Variants in RBBP4 observed in about 807,000 individuals in gnomAD.
RBBP4 encodes histone-binding protein RBBP4.
In RBBP4, 3 loss-of-function variants were observed where a neutral mutation model predicts 57.2. The ratio of observed to expected loss-of-function variants is 0.05; its 90% CI spans 0.02 to 0.14. RBBP4 has a LOEUF of 0.14. Among genes scored for constraint, RBBP4 ranks in the 10% least tolerant of loss-of-function variants. The pLI is 1.00. For missense variants in RBBP4, 107 were observed against 520.6 expected, an observed-to-expected ratio of 0.21 and a Z score of 7.73; for synonymous variants, 151 against 171.5, an observed-to-expected ratio of 0.88 and a Z score of 0.93.
intron 11 of RBBP4, among the ~76,000 whole-genome samples, 174 bp downstream of exon 11, chr1:32,673,075 G>T (rs1648942195): frequency 6.6e-6 from 1 of 152,172 alleles, no homozygotes; most frequent in East Asian, 1.9e-4. Context: ...ACTGTATTTG[G>T]TCATACCACT....
At chr1:32,662,510 G>T (rs1332792119) in intron 3 of RBBP4, among the ~76,000 whole-genome samples, 4 of 151,774 alleles carry the variant, frequency 2.6e-5, no homozygotes, top group African/African-American at 9.7e-5. Context: ...CCGAGTAGCT[G>T]GGATTACAGG....
chr1:32,659,195 CAT>C (rs1054488556), intron 3 of RBBP4, among the ~76,000 whole-genome samples: 19 of 149,920 alleles, frequency 1.3e-4, no homozygotes, highest in South Asian at 4.2e-4. Context: ...TATACACACA[CAT>C]ATATGTGGTT....
At chr1:32,672,763 C>T in intron 10 of RBBP4, 28 bp from the exon 11 acceptor site, 1 of 1,475,194 alleles carries the variant, frequency 6.8e-7, no homozygotes, top group Non-Finnish European at 9.1e-7. Context: ...ATCTGCATTT[C>T]ACCTCTTTGT....
In RBBP4 at chr1:32,661,301, C is replaced by CTTTTTTTTTTT. The variant is rs370489912; in HGVS notation, c.310+3729_310+3730insTTTTTTTTTTT. 1.5e-5 allele frequency among the ~76,000 whole-genome samples: 2 copies of CTTTTTTTTTTT among 132,106 alleles called. 1 individual carries two copies. Among genetic ancestry groups the CTTTTTTTTTTT allele is most frequent in the Non-Finnish European group, 3.1e-5 (2 of 64,962 alleles). 86.7% of individuals were successfully genotyped at this position (132,106 alleles called of 152,430 possible). On this transcript the variant is annotated intron_variant, in intron 3 of 11. Coordinates refer to ENST00000373493, the MANE Select transcript of RBBP4 (RefSeq NM_005610.3). Reference sequence around the variant, plus strand: ...TTGAATGGTAGTTCTATTTTTAGTTCCTTTTTTTTTTTTTTTGAGATGGAG... The same window carrying CTTTTTTTTTTT: ...TTGAATGGTAGTTCTATTTTTAGTTCTTTTTTTTTTTCTTTTTTTTTTTTTTTGAGATGGAG...
intron 2 of RBBP4, among the ~76,000 whole-genome samples, chr1:32,653,863 T>C (rs979156801): frequency 2.6e-5 from 4 of 151,846 alleles, no homozygotes; most frequent in Admixed American, 6.6e-5. Flanking sequence ...TTTCACCGTG[T>C]TAGCCAGGAT....
At position 32,683,756 on chromosome 1, in the gene RBBP4, C is replaced by T. The variant is rs1482456538; in HGVS notation, c.*4051C>T. On this transcript the variant is annotated 3_prime_UTR_variant, in exon 12 of 12. Transcript: ENST00000373493. The stretch of plus-strand genomic sequence containing the variant: ...CAAGCGATTCTCCTGCCTTGGCCTC[C>T]TGAGTAGCTGGGATTATAAGTGCCT... 2.5e-6 allele frequency: 1 copy of T among 392,584 alleles called. No individual in the cohort carries two copies. Among genetic ancestry groups the T allele is most frequent in the African/African-American group, 2.1e-5 (1 of 48,224 alleles). 24.3% of individuals were successfully genotyped at this position (392,584 alleles called of 1,614,324 possible). A position where few individuals can be genotyped will look rare whatever the true frequency, so the allele number is the denominator to read the frequency against.
At chr1:32,668,586 G>C in intron 4 of RBBP4, 153 bp from the exon 5 acceptor site, 1 of 836,012 alleles carries the variant, frequency 1.2e-6, no homozygotes, top group South Asian at 1.8e-5. Context: ...CAAAATACTG[G>C]TGCTGTTTAA....
intron 2 of RBBP4, among the ~76,000 whole-genome samples, chr1:32,657,200 C>T (rs955760126): frequency 3.9e-5 from 6 of 152,106 alleles, no homozygotes; most frequent in African/African-American, 1.2e-4. Flanking sequence ...CGCTTGAATC[C>T]GAGAGCCAGA....
At chr1:32,661,120 A>T (rs58218169) in intron 3 of RBBP4, among the ~76,000 whole-genome samples, 10,971 of 152,078 alleles carry the variant, frequency 0.072, 1,317 homozygotes, top group African/African-American at 0.25. Flanking sequence ...AGCCAAAAAA[A>T]TTTTTTTATT....
intron 11 of RBBP4, among the ~76,000 whole-genome samples, chr1:32,678,508 T>C (rs1278567964): frequency 6.7e-6 from 1 of 149,022 alleles, no homozygotes; most frequent in Non-Finnish European, 1.5e-5. Flanking sequence ...ATTACAGGCG[T>C]GTGCCACCAC....
intron 11 of RBBP4, among the ~76,000 whole-genome samples, chr1:32,676,453 T>C (rs1227127520): frequency 6.7e-6 from 1 of 149,776 alleles, no homozygotes; most frequent in Non-Finnish European, 1.5e-5. Flanking sequence ...AAAAAATAAA[T>C]ACAAAAATTA....
chr1:32,684,267 G>T lies in RBBP4; in HGVS notation c.*4562G>T. 1.2e-6 allele frequency: 2 copies of T among 1,614,186 alleles called. No homozygotes were observed. Among genetic ancestry groups the T allele is most frequent in the Non-Finnish European group, 1.7e-6 (2 of 1,180,048 alleles). ...AGCAGCAGAAACTGACTTATAAGTA[G>T]AGAGCTCTTCAGCAAGACTGAGCCT... On this transcript the variant is annotated 3_prime_UTR_variant, in exon 12 of 12. Coordinates refer to ENST00000373493, the MANE Select transcript of RBBP4 (RefSeq NM_005610.3).
At position 32,653,846 on chromosome 1, in the gene RBBP4, G is replaced by A. The variant is rs1023553794; in HGVS notation, c.164+1785G>A. On this transcript the variant is annotated intron_variant, in intron 2 of 11. Transcript: ENST00000373493. ...GCTAATTTTTTGTATTTTTAGTAGA[G>A]CCGGGGTTTCACCGTGTTAGCCAGG... is the stretch of plus-strand genomic sequence containing the variant. 4.6e-5 allele frequency among the ~76,000 whole-genome samples: 7 copies of A among 151,640 alleles called. No homozygotes were observed. The South Asian group carries it at 1.0e-3, about 23-fold the overall frequency.
chr1:32,651,517 C>T (rs1266987654), intron 1 of RBBP4, 195 bp downstream of exon 1: 6 of 1,335,056 alleles, frequency 4.5e-6, no homozygotes, highest in East Asian at 2.9e-5. Flanking sequence ...TCGCAGCTGG[C>T]GAAGCCAGCG....
chr1:32,651,324 T>C lies in RBBP4; in HGVS notation c.16+2T>C. 6.8e-7 allele frequency: 1 copy of C among 1,463,058 alleles called. No individual in the cohort carries two copies. The highest frequency in any genetic ancestry group is 1.5e-5 in the African/African-American group (1 of 67,322). 90.6% of individuals were successfully genotyped at this position (1,463,058 alleles called of 1,614,324 possible). A position where few individuals can be genotyped will look rare whatever the true frequency, so the allele number is the denominator to read the frequency against. The stretch of plus-strand genomic sequence containing the variant: ...TGCCCGCCATGGCCGACAAGGAAGG[T>C]GAGGGTGCCGGGGCCGACCCAGGAG... On this transcript the variant is annotated splice_donor_variant, in intron 1 of 11. Coordinates refer to ENST00000373493, the MANE Select transcript of RBBP4 (RefSeq NM_005610.3). LOFTEE classifies it high-confidence loss of function.
At chr1:32,668,445 A>G in intron 4 of RBBP4, 47 bp downstream of exon 4, 1 of 1,493,146 alleles carries the variant, frequency 6.7e-7, no homozygotes, top group Non-Finnish European at 9.2e-7. Flanking sequence ...CTATAGAAAT[A>G]CATGGTTCCA....
rs4336811 is a variant in RBBP4, at chr1:32,679,847, C to T, written c.*142C>T. On this transcript the variant is annotated 3_prime_UTR_variant, in exon 12 of 12. Coordinates refer to ENST00000373493, the MANE Select transcript of RBBP4 (RefSeq NM_005610.3). ...CACCGATAATGCTATTAGCCCAAAC[C>T]GTGGGTGTTTTCTAAATATTAATAG... is the stretch of plus-strand genomic sequence containing the variant. 0.038 allele frequency: 50,708 copies of T among 1,348,284 alleles called. 1,352 individuals are homozygous for T. The highest frequency in any genetic ancestry group is 0.12 in the Admixed American group (3,281 of 27,114). The allele number at this position is 1,348,284 out of a possible 1,614,324, so 83.5% of individuals were successfully genotyped here.
chr1:32,667,768 T>C (rs1192569405), intron 3 of RBBP4, among the ~76,000 whole-genome samples: 3 of 152,208 alleles, frequency 2.0e-5, no homozygotes, highest in Non-Finnish European at 4.4e-5. Flanking sequence ...TCACAGATGC[T>C]GAAGTCTCTG....
In RBBP4 at chr1:32,674,730, A is replaced by T. The variant is rs568595532; in HGVS notation, c.1212+1829A>T. ...CTTTTTATTTCTTTATTTTTTTTTT[A>T]ATTTTTTTTTTTTCTGAGACAGAGT... is the stretch of plus-strand genomic sequence containing the variant. On this transcript the variant is annotated intron_variant, in intron 11 of 11. Coordinates refer to ENST00000373493, the MANE Select transcript of RBBP4 (RefSeq NM_005610.3). Among the ~76,000 whole-genome samples, 43 of 148,850 alleles carry T rather than the reference A, an allele frequency of 2.9e-4. No individual in the cohort carries two copies. In the East Asian group the frequency reaches 6.7e-3, roughly 23 times the overall value.
Sources: allele counts gnomAD v4.1 joint callset (sites outside exome capture counted in the v4.1 genomes callset), GRCh38; gene constraint gnomAD v4.1.1; transcripts MANE v1.5; gene names NCBI Gene and HGNC (gene_info 2026-07-23, HGNC 2026-07-21).